TMIGD3: variants seen among roughly 807,000 people sequenced by gnomAD.
TMIGD3 encodes transmembrane and immunoglobulin domain containing 3, also known as AD026 protein (AD026).
A neutral mutation model predicts 28.1 loss-of-function variants in TMIGD3; 21 were observed. The ratio of observed to expected loss-of-function variants is 0.75; its 90% confidence interval spans 0.53 to 1.08. The LOEUF (loss-of-function observed/expected upper bound fraction) is 1.08, where lower values mean the gene tolerates loss of function less well. Ranked by LOEUF, TMIGD3 falls within the 50% of genes least tolerant of loss-of-function variation. TMIGD3 has a pLI of 0.00. For synonymous variants in TMIGD3, 151 were observed against 162.1 expected (o/e 0.93, Z 0.52); for missense variants, 416 against 435.6 (o/e 0.96, Z 0.40).
In TMIGD3 at chr1:111,509,093, T is replaced by TCAAA. The variant is rs576727446; in HGVS notation, c.108-18335_108-18332dup. Among the ~76,000 whole-genome samples the TCAAA allele has an allele frequency of 5.3e-5, 8 of 152,236 alleles. No individual in the cohort carries two copies. In the South Asian group the frequency reaches 1.2e-3, roughly 24 times the overall value. On this transcript the variant is annotated intron_variant, in intron 1 of 5. Transcript: ENST00000369717. ...CTGGGCGACAGAGCGAGACTCCGTC[T>TCAAA]CAAACAAACAAACAAACAAAAGCAG...
At chr1:111,521,247 A>C (rs1656050962) in intron 1 of TMIGD3, among the ~76,000 whole-genome samples, 1 of 152,208 alleles carries the variant, frequency 6.6e-6, no homozygotes, top group Non-Finnish European at 1.5e-5. Context: ...GTTGTCATAA[A>C]TATTTGTGAA....
At chr1:111,528,148 G>A (rs1179103859) in intron 1 of TMIGD3, among the ~76,000 whole-genome samples, 3 of 151,996 alleles carry the variant, frequency 2.0e-5, no homozygotes, top group African/African-American at 4.8e-5. Context: ...TTATGTTTAA[G>A]TTTATAATCC....
intron 1 of TMIGD3, among the ~76,000 whole-genome samples, chr1:111,514,375 T>A (rs1209472047): frequency 6.6e-6 from 1 of 151,978 alleles, no homozygotes; most frequent in African/African-American, 2.4e-5. Flanking sequence ...CAAGACCCTG[T>A]CTCTACAAAA....
chr1:111,524,173 G>A (rs548388299), intron 1 of TMIGD3, among the ~76,000 whole-genome samples: 237 of 151,012 alleles, frequency 1.6e-3, no homozygotes, highest in African/African-American at 5.4e-3. Flanking sequence ...GGGACTACAG[G>A]CGCCCGCCAC....
intron 1 of TMIGD3, among the ~76,000 whole-genome samples, chr1:111,522,767 C>T (rs529315558): frequency 3.9e-4 from 59 of 152,264 alleles, no homozygotes; most frequent in Admixed American, 2.2e-3. Flanking sequence ...CTGCCCGCCT[C>T]GGCCTCTCAA....
intron 1 of TMIGD3, among the ~76,000 whole-genome samples, chr1:111,513,577 A>G (rs1194171982): frequency 2.0e-5 from 3 of 152,190 alleles, no homozygotes; most frequent in African/African-American, 4.8e-5. Context: ...CAGGCCTCCA[A>G]GATAAAATCT....
chr1:111,491,468 A>C (rs1438172394), intron 1 of TMIGD3, among the ~76,000 whole-genome samples: 2 of 152,250 alleles, frequency 1.3e-5, no homozygotes, highest in Non-Finnish European at 2.9e-5. Context: ...TCTCAGGTGA[A>C]GTTAAGCTGG....
chr1:111,547,282 G>A (rs188338084), intron 1 of TMIGD3, among the ~76,000 whole-genome samples: 7 of 151,652 alleles, frequency 4.6e-5, no homozygotes, highest in Admixed American at 2.0e-4. Context: ...TTTCTGGTCT[G>A]GTGTGTTTTT....
At chr1:111,493,699 T>A (rs538292413) in intron 1 of TMIGD3, among the ~76,000 whole-genome samples, 28 of 152,320 alleles carry the variant, frequency 1.8e-4, no homozygotes, top group Admixed American at 5.2e-4. Context: ...ATTAATCTGA[T>A]CTTACAAATG....
In TMIGD3 at chr1:111,483,566, G is replaced by T; in HGVS notation, c.*121C>A. On this transcript the variant is annotated 3_prime_UTR_variant, in exon 6 of 6. Transcript: ENST00000369716. ...CCTGGCTGCAAATGATTGTTGTCAA[G>T]GATAGAGGGTCCTTCAGAATTCCTG... is the stretch of plus-strand genomic sequence containing the variant. 1 of 858,690 alleles carries T rather than the reference G, an allele frequency of 1.2e-6. No homozygotes were observed. 53.2% of individuals were successfully genotyped at this position (858,690 alleles called of 1,614,324 possible).
At chr1:111,557,874 T>G (rs1014464320) in intron 1 of TMIGD3, among the ~76,000 whole-genome samples, 1 of 152,200 alleles carries the variant, frequency 6.6e-6, no homozygotes, top group Non-Finnish European at 1.5e-5. Context: ...AACAGCACTC[T>G]AAGCTTCCTT....
At chr1:111,516,882 C>T (rs1393627268) in intron 1 of TMIGD3, among the ~76,000 whole-genome samples, 1 of 152,198 alleles carries the variant, frequency 6.6e-6, no homozygotes. Flanking sequence ...CTTAACACAG[C>T]TAGTATTGGG....
At chr1:111,543,691 G>A (rs1656931772) in intron 1 of TMIGD3, among the ~76,000 whole-genome samples, 2 of 151,722 alleles carry the variant, frequency 1.3e-5, no homozygotes, top group Admixed American at 6.6e-5. Context: ...GAGGAGGAGG[G>A]GGAGAGGGAG....
chr1:111,537,959 C>T, intron 1 of TMIGD3, among the ~76,000 whole-genome samples: 1 of 152,120 alleles, frequency 6.6e-6, no homozygotes, highest in East Asian at 1.9e-4. Flanking sequence ...TAAAATGGCC[C>T]TCATGCTATT....
At chr1:111,521,995 C>T (rs920638883) in intron 1 of TMIGD3, among the ~76,000 whole-genome samples, 1 of 152,146 alleles carries the variant, frequency 6.6e-6, no homozygotes, top group Non-Finnish European at 1.5e-5. Flanking sequence ...TGCTTCAGCA[C>T]CATTTGTTGA....
At chr1:111,543,635 G>C (rs894426183) in intron 1 of TMIGD3, among the ~76,000 whole-genome samples, 1 of 149,354 alleles carries the variant, frequency 6.7e-6, no homozygotes, top group Non-Finnish European at 1.5e-5. Flanking sequence ...AATAGGAGGA[G>C]GAAGAGAAGG....
intron 1 of TMIGD3, among the ~76,000 whole-genome samples, chr1:111,543,146 C>T (rs998177629): frequency 6.6e-6 from 1 of 152,098 alleles, no homozygotes; most frequent in Non-Finnish European, 1.5e-5. Context: ...ACACACACAG[C>T]GCAGGTGACA....
At chr1:111,542,908 G>T (rs1656892023) in intron 1 of TMIGD3, among the ~76,000 whole-genome samples, 1 of 152,100 alleles carries the variant, frequency 6.6e-6, no homozygotes, top group South Asian at 2.1e-4. Context: ...TGTTGGGCAG[G>T]CTGGTCTCCA....
intron 1 of TMIGD3, among the ~76,000 whole-genome samples, chr1:111,516,019 C>T (rs1235000474): frequency 6.6e-6 from 1 of 152,214 alleles, no homozygotes; most frequent in African/African-American, 2.4e-5. Flanking sequence ...TCATCTGAGG[C>T]GAGTCTCTAG....
Sources: gnomAD v4.1 joint callset for allele counts (sites outside exome capture counted in the v4.1 genomes callset) on GRCh38, gnomAD v4.1.1 for gene constraint, MANE v1.5 for transcripts, NCBI Gene and HGNC (gene_info 2026-07-23, HGNC 2026-07-21) for gene names.